Variants in FBXW4 observed in about 807,000 individuals in gnomAD.
FBXW4 encodes the protein F-box and WD repeat domain containing 4, also known as F-box/WD repeat-containing protein 4.
A neutral mutation model predicts 61.8 loss-of-function variants in FBXW4; 40 were observed. The observed-to-expected ratio is 0.65, with a 90% CI of 0.50 to 0.84. The LOEUF is 0.84. Ranked by LOEUF, FBXW4 falls within the 40% of genes least tolerant of loss-of-function variation. The pLI is 0.00. For synonymous variants in FBXW4, 311 were observed against 313.8 expected (o/e 0.99, Z 0.10); for missense variants, 672 against 753.8 (o/e 0.89, Z 1.27).
intron 4 of FBXW4, among the ~76,000 whole-genome samples, chr10:101,669,314 C>T (rs2064336294): frequency 6.6e-6 from 1 of 152,174 alleles, no homozygotes; most frequent in African/African-American, 2.4e-5. Context: ...TAACTAGATA[C>T]ATTTCCAATG....
chr10:101,676,259 C>T, intron 2 of FBXW4, 82 bp downstream of exon 2: 1 of 1,162,226 alleles, frequency 8.6e-7, no homozygotes, highest in Non-Finnish European at 1.3e-6. Context: ...GCCCCATTAG[C>T]CTCTATGTAG....
chr10:101,664,295 A>G (rs909365818), intron 5 of FBXW4, among the ~76,000 whole-genome samples: 4 of 152,220 alleles, frequency 2.6e-5, no homozygotes, highest in African/African-American at 7.2e-5. Flanking sequence ...TATCTGACAA[A>G]TTATTTTAAA....
chr10:101,690,522 G>A (rs932983539), intron 1 of FBXW4, among the ~76,000 whole-genome samples: 1 of 152,146 alleles, frequency 6.6e-6, no homozygotes, highest in Non-Finnish European at 1.5e-5. Context: ...TCGGGCAAGA[G>A]GCCTAAAGGG....
At chr10:101,676,533 G>C in intron 1 of FBXW4, 97 bp from the exon 2 acceptor site, 1 of 900,352 alleles carries the variant, frequency 1.1e-6, no homozygotes, top group Non-Finnish European at 1.8e-6. Flanking sequence ...GGAGCATCCA[G>C]AATACAAGTA....
intron 5 of FBXW4, among the ~76,000 whole-genome samples, chr10:101,643,581 T>A (rs906542183): frequency 2.0e-5 from 3 of 152,208 alleles, no homozygotes; most frequent in South Asian, 2.1e-4. Context: ...TGGGCACACA[T>A]GTCCCACACA....
intron 5 of FBXW4, among the ~76,000 whole-genome samples, chr10:101,662,622 C>T (rs919135369): frequency 6.6e-6 from 1 of 152,210 alleles, no homozygotes; most frequent in Non-Finnish European, 1.5e-5. Context: ...ACCACACTCT[C>T]TCACACGATA....
At chr10:101,681,548 T>C (rs2064476412) in intron 1 of FBXW4, among the ~76,000 whole-genome samples, 1 of 150,334 alleles carries the variant, frequency 6.7e-6, no homozygotes, top group Admixed American at 6.6e-5. Flanking sequence ...AAACCCCGTC[T>C]CTACTAAAAA....
Position 101,641,160 on chromosome 10 carries a change from C to G in FBXW4, c.1236-16350G>C, listed in dbSNP as rs1292756306. 2.6e-5 allele frequency among the ~76,000 whole-genome samples: 4 copies of G among 151,540 alleles called. No individual in the cohort carries two copies. In the East Asian group the frequency reaches 7.7e-4, roughly 29 times the overall value. On this transcript the variant is annotated intron_variant, in intron 5 of 8. Coordinates refer to ENST00000331272, the MANE Select transcript of FBXW4 (RefSeq NM_022039.4). ...CTTCCATTTTCAACAACCATAATGC[C>G]AGGCATTTAAGAGATAGATAATTTA...
At chr10:101,667,476 A>C (rs2064315326) in intron 5 of FBXW4, among the ~76,000 whole-genome samples, 1 of 152,084 alleles carries the variant, frequency 6.6e-6, no homozygotes, top group East Asian at 1.9e-4. Context: ...GACATTTTCC[A>C]AGGGGAACAA....
chr10:101,686,152 TGGTTA>T (rs1244818581), intron 1 of FBXW4, among the ~76,000 whole-genome samples: 3 of 152,162 alleles, frequency 2.0e-5, no homozygotes, highest in African/African-American at 7.2e-5. Flanking sequence ...CTCCTGGCAT[TGGTTA>T]GGTTCTGTAT....
At chr10:101,628,154 A>G in intron 5 of FBXW4, 1 of 178,486 alleles carries the variant, frequency 5.6e-6, no homozygotes, top group Non-Finnish European at 1.1e-5. Context: ...TTGCTCAGTG[A>G]CTTTTCCCCA....
At chr10:101,648,206 G>A (rs1170284489) in intron 5 of FBXW4, among the ~76,000 whole-genome samples, 1 of 152,170 alleles carries the variant, frequency 6.6e-6, no homozygotes, top group Non-Finnish European at 1.5e-5. Flanking sequence ...CCTCAGGAAG[G>A]TTGGACTAAG....
At chr10:101,662,001 T>C (rs1253296098) in intron 5 of FBXW4, among the ~76,000 whole-genome samples, 1 of 152,190 alleles carries the variant, frequency 6.6e-6, no homozygotes, top group African/African-American at 2.4e-5. Context: ...AATCTTTACT[T>C]TTGATTCTTC....
rs1279324526 is a variant in FBXW4, at chr10:101,683,566, G to A, written c.726-7130C>T. Among the ~76,000 whole-genome samples, 6 of 152,268 alleles carry A rather than the reference G, an allele frequency of 3.9e-5. No individual in the cohort carries two copies. In the South Asian group the frequency reaches 1.2e-3, roughly 32 times the overall value. On this transcript the variant is annotated intron_variant, in intron 1 of 8. Transcript: ENST00000331272. Reference sequence around the variant, plus strand: ...ATTAATCTAGGCAGTTATCTAGAATGACCTTTCATTTCCCCTCTCCTTGCT... The same window carrying A: ...ATTAATCTAGGCAGTTATCTAGAATAACCTTTCATTTCCCCTCTCCTTGCT...
chr10:101,680,667 T>G (rs938671515), intron 1 of FBXW4, among the ~76,000 whole-genome samples: 2 of 152,220 alleles, frequency 1.3e-5, no homozygotes, highest in African/African-American at 4.8e-5. Flanking sequence ...TAGAAAAAAC[T>G]GACACTAGCT....
chr10:101,657,692 T>C (rs532293816), intron 5 of FBXW4, among the ~76,000 whole-genome samples: 2 of 149,462 alleles, frequency 1.3e-5, no homozygotes, highest in Admixed American at 6.7e-5. Flanking sequence ...CTAAAGAGTC[T>C]TGTTCAAGAA....
chr10:101,619,389 T>C (rs1589739816), intron 6 of FBXW4, among the ~76,000 whole-genome samples: 2 of 152,292 alleles, frequency 1.3e-5, no homozygotes, highest in African/African-American at 4.8e-5. Flanking sequence ...CCAGGCGCAG[T>C]GGCTCACACC....
At position 101,695,166 on chromosome 10, in the gene FBXW4, G is replaced by C. The variant is rs1401585032; in HGVS notation, c.-61C>G. On this transcript the variant is annotated 5_prime_UTR_variant, in exon 1 of 9. Coordinates refer to ENST00000331272, the MANE Select transcript of FBXW4 (RefSeq NM_022039.4). This position sits in a 1 kb window ranked among gnomAD's most constrained non-coding sequence, Gnocchi z 4.2. Reference sequence around the variant, plus strand: ...CCCGAGCCGCCACCGCCGCCGCCCCGGGAGGAGGCGACACCATGTCGGACC... The same window carrying C: ...CCCGAGCCGCCACCGCCGCCGCCCCCGGAGGAGGCGACACCATGTCGGACC... The C allele has an allele frequency of 2.6e-5, 26 of 985,290 alleles. No homozygotes were observed. The highest frequency in any genetic ancestry group is 2.8e-5 in the Non-Finnish European group (23 of 830,080). The allele number at this position is 985,290 out of a possible 1,614,324, so 61.0% of individuals were successfully genotyped here.
chr10:101,634,412 A>C (rs2063983742), intron 5 of FBXW4, among the ~76,000 whole-genome samples: 1 of 149,288 alleles, frequency 6.7e-6, no homozygotes, highest in African/African-American at 2.5e-5. Flanking sequence ...ATTTTTACTT[A>C]ATCAATTGAT....
Sources: gnomAD v4.1 joint callset for allele counts (sites outside exome capture counted in the v4.1 genomes callset) on GRCh38, gnomAD v4.1.1 for gene constraint, Gnocchi (gnomAD v3.1) non-coding constraint, MANE v1.5 for transcripts, NCBI Gene and HGNC (gene_info 2026-07-23, HGNC 2026-07-21) for gene names.